Variants in RELN observed in about 807,000 individuals in gnomAD.
RELN encodes the protein reelin.
RELN carries 108 observed loss-of-function variants against 427.6 expected under a neutral mutation model. The observed-to-expected ratio is 0.25, with a 90% CI of 0.22 to 0.30. The LOEUF (loss-of-function observed/expected upper bound fraction) is 0.30, where lower values mean the gene tolerates loss of function less well. Among genes scored for constraint, RELN ranks in the 10% least tolerant of loss-of-function variants. The pLI is 1.00. For missense variants in RELN, 3,715 were observed against 4,302.8 expected, an observed-to-expected ratio of 0.86 and a Z score of 3.82; for synonymous variants, 1,524 against 1,513.4, an observed-to-expected ratio of 1.01 and a Z score of -0.16.
chr7:103,600,669 CA>C (rs754719001), intron 24 of RELN, among the ~76,000 whole-genome samples: 69 of 152,006 alleles, frequency 4.5e-4, no homozygotes, highest in Non-Finnish European at 8.8e-4. Context: ...ACTTAGAATT[CA>C]AAACAGTTCT....
intron 4 of RELN, among the ~76,000 whole-genome samples, chr7:103,774,313 A>G (rs991755614): frequency 3.4e-4 from 52 of 151,832 alleles, no homozygotes; most frequent in African/African-American, 1.2e-3. Context: ...AAAAAAAAAA[A>G]AATACTTTCA....
At chr7:103,493,911 T>A (rs974601777) in intron 57 of RELN, among the ~76,000 whole-genome samples, 3 of 152,090 alleles carry the variant, frequency 2.0e-5, no homozygotes, top group Non-Finnish European at 2.9e-5. Context: ...GAGGATAGAC[T>A]CTCTTTTTTT....
intron 2 of RELN, among the ~76,000 whole-genome samples, chr7:103,911,721 G>T (rs1382793295): frequency 4.2e-5 from 6 of 142,300 alleles, no homozygotes; most frequent in Non-Finnish European, 9.2e-5. Flanking sequence ...GGATGAAATT[G>T]GAAATCATCA....
intron 16 of RELN, among the ~76,000 whole-genome samples, chr7:103,644,874 A>G (rs1463118477): frequency 6.6e-6 from 1 of 151,770 alleles, no homozygotes; most frequent in Non-Finnish European, 1.5e-5. Flanking sequence ...TAAGATTAGC[A>G]TGGGAAAAAT....
At chr7:103,633,474 AAT>A (rs140092804) in intron 19 of RELN, among the ~76,000 whole-genome samples, 5,387 of 148,806 alleles carry the variant, frequency 0.036, 157 homozygotes, top group East Asian at 0.14. Flanking sequence ...GACAGAGATA[AAT>A]ATATATATAT....
chr7:103,497,884 C>G lies in RELN; in HGVS notation c.8886G>C (p.Met2962Ile), dbSNP rs771814964. ...GGCAGATGGGACGATGGCAAGAGGT[C>G]ATGTTGTTCTCACTACCGATGCGCC... ...YWGRIGSENN[M>I]TSCHRPICRK... The change falls in exon 55 of 65, where the codon ATG (methionine) becomes ATC (isoleucine). Residue 2962 changes from methionine (M) to isoleucine (I), a missense_variant. Physicochemically the swap from Met to Ile is conservative, Grantham distance 10. This residue lies in a region of RELN where 1,310 missense variants were observed against 1,643.0 expected (regional missense o/e 0.80). Coordinates refer to ENST00000428762, the MANE Select transcript of RELN (RefSeq NM_005045.4). The G allele has an allele frequency of 1.9e-6, 3 of 1,614,018 alleles. No homozygotes were observed. The highest frequency in any genetic ancestry group is 2.5e-6 in the Non-Finnish European group (3 of 1,180,024).
At chr7:103,768,212 T>C (rs1791471949) in intron 4 of RELN, among the ~76,000 whole-genome samples, 1 of 152,170 alleles carries the variant, frequency 6.6e-6, no homozygotes, top group Non-Finnish European at 1.5e-5. Context: ...TAAGCATCTT[T>C]TACTCTCAAA....
chr7:103,727,338 A>G (rs1790236666), intron 7 of RELN, among the ~76,000 whole-genome samples: 1 of 152,174 alleles, frequency 6.6e-6, no homozygotes, highest in Non-Finnish European at 1.5e-5. Context: ...GAGATGGTAC[A>G]AGAAGAGTAT....
At chr7:103,522,942 TGACCA>T (rs1302849342) in intron 47 of RELN, among the ~76,000 whole-genome samples, 9 of 151,900 alleles carry the variant, frequency 5.9e-5, no homozygotes, top group Non-Finnish European at 1.2e-4. Flanking sequence ...TCTGGTAAAT[TGACCA>T]GACATCTACA....
rs1356548638 is a variant in RELN, at chr7:103,603,257, T to C, written c.3333+47A>G. 6.9e-7 allele frequency: 1 copy of C among 1,457,222 alleles called. No homozygotes were observed. The highest frequency in any genetic ancestry group is 1.4e-5 in the African/African-American group (1 of 71,924). 90.3% of individuals were successfully genotyped at this position (1,457,222 alleles called of 1,614,324 possible). A position where few individuals can be genotyped will look rare whatever the true frequency, so the allele number is the denominator to read the frequency against. ...TACATTTGGAATTCAGAGTCTCATATTAAACTAGCCATTGCCCCGATGACT... is the reference window on the plus strand; with the variant it reads ...TACATTTGGAATTCAGAGTCTCATACTAAACTAGCCATTGCCCCGATGACT... On this transcript the variant is annotated intron_variant, in intron 24 of 64. Coordinates refer to ENST00000428762, the MANE Select transcript of RELN (RefSeq NM_005045.4). The surrounding 1 kb of genome is among the most constrained non-coding windows in gnomAD (Gnocchi z 4.3).
chr7:103,761,081 C>T (rs1791286943), intron 4 of RELN, among the ~76,000 whole-genome samples: 1 of 152,136 alleles, frequency 6.6e-6, no homozygotes, highest in Non-Finnish European at 1.5e-5. Flanking sequence ...ACAGAACCAG[C>T]AATATTAGGA....
intron 1 of RELN, among the ~76,000 whole-genome samples, chr7:103,982,582 G>A (rs1467840100): frequency 6.6e-6 from 1 of 151,982 alleles, no homozygotes; most frequent in African/African-American, 2.4e-5. Context: ...GGGAAAGCAA[G>A]GACCATGGCA....
chr7:103,781,070 A>T (rs988418624), intron 3 of RELN, among the ~76,000 whole-genome samples: 1 of 152,126 alleles, frequency 6.6e-6, no homozygotes, highest in Non-Finnish European at 1.5e-5. Context: ...AAATGATCCC[A>T]CCCTATAGAA....
At chr7:103,659,183 C>A (rs1833085855) in intron 12 of RELN, among the ~76,000 whole-genome samples, 1 of 151,914 alleles carries the variant, frequency 6.6e-6, no homozygotes, top group African/African-American at 2.4e-5. Flanking sequence ...CACACTTACT[C>A]TCTTATACAT....
At chr7:103,798,346 G>A (rs1792361172) in intron 3 of RELN, among the ~76,000 whole-genome samples, 1 of 152,174 alleles carries the variant, frequency 6.6e-6, no homozygotes, top group South Asian at 2.1e-4. Flanking sequence ...GGCAAATTAA[G>A]TAATGTCTCT....
At chr7:103,559,230 C>T (rs764914047) in intron 36 of RELN, among the ~76,000 whole-genome samples, 5 of 152,158 alleles carry the variant, frequency 3.3e-5, no homozygotes, top group Admixed American at 2.6e-4. Flanking sequence ...GATTCTAAAA[C>T]GTCTATCCTT....
chr7:103,890,821 T>C (rs528646549), intron 2 of RELN, among the ~76,000 whole-genome samples: 15 of 152,290 alleles, frequency 9.8e-5, no homozygotes, highest in African/African-American at 3.6e-4. Context: ...CCCACGCCTG[T>C]AATCCCAGCA....
intron 3 of RELN, among the ~76,000 whole-genome samples, chr7:103,827,700 A>G (rs995665866): frequency 2.0e-5 from 3 of 151,972 alleles, no homozygotes; most frequent in African/African-American, 4.8e-5. Flanking sequence ...TTTACCTTTA[A>G]GGATAGACAA....
At chr7:103,582,381 T>G (rs189704387) in intron 28 of RELN, among the ~76,000 whole-genome samples, 289 of 152,334 alleles carry the variant, frequency 1.9e-3, no homozygotes, top group Non-Finnish European at 3.7e-3. Context: ...AGGTGGTAAA[T>G]TCATCAACTC....
Sources: allele counts gnomAD v4.1 joint callset (sites outside exome capture counted in the v4.1 genomes callset), GRCh38; gene constraint gnomAD v4.1.1; regional missense constraint gnomAD v4.1.1; non-coding constraint Gnocchi (gnomAD v3.1); transcripts MANE v1.5; gene names NCBI Gene and HGNC (gene_info 2026-07-23, HGNC 2026-07-21).